The following THSD7B variants were observed in gnomAD, a reference collection of about 807,000 sequenced individuals.
THSD7B encodes the protein thrombospondin type-1 domain-containing protein 7B.
Under a neutral mutation model 213.6 loss-of-function variants are expected in THSD7B, and 138 were observed. The ratio of observed to expected loss-of-function variants is 0.65; its 90% CI spans 0.56 to 0.74. The LOEUF (loss-of-function observed/expected upper bound fraction) is 0.74. Among genes scored for constraint, THSD7B ranks in the 30% least tolerant of loss-of-function variants. THSD7B has a pLI of 0.00. For synonymous variants in THSD7B, 742 were observed against 687.0 expected (o/e 1.08, Z -1.25); for missense variants, 1,931 against 1,991.5 (o/e 0.97, Z 0.58).
At chr2:137,664,096 T>A (rs149337506) in intron 26 of THSD7B, among the ~76,000 whole-genome samples, 3,844 of 152,198 alleles carry the variant, frequency 0.025, 139 homozygotes, top group African/African-American at 0.086. Context: ...CAAATGACCC[T>A]CCCGCCTTGG....
At chr2:136,919,315 C>T (rs572444686) in intron 2 of THSD7B, among the ~76,000 whole-genome samples, 57 of 152,256 alleles carry the variant, frequency 3.7e-4, no homozygotes, top group African/African-American at 1.3e-3. Flanking sequence ...TTAGTACTAA[C>T]CTCAGGCAAA....
At chr2:137,622,245 A>G (rs1190047927) in intron 20 of THSD7B, among the ~76,000 whole-genome samples, 1 of 150,688 alleles carries the variant, frequency 6.6e-6, no homozygotes, top group East Asian at 1.9e-4. Flanking sequence ...CAATCATTCC[A>G]TCCAATAATC....
intron 12 of THSD7B, among the ~76,000 whole-genome samples, chr2:137,365,543 A>G (rs1291114782): frequency 1.3e-5 from 2 of 151,928 alleles, no homozygotes; most frequent in Admixed American, 6.6e-5. Flanking sequence ...ACAAATTTAC[A>G]AGAAAAAATC....
At chr2:137,199,122 A>T (rs1056714123) in intron 7 of THSD7B, among the ~76,000 whole-genome samples, 2 of 152,196 alleles carry the variant, frequency 1.3e-5, no homozygotes, top group African/African-American at 4.8e-5. Context: ...CTGCTCTCCC[A>T]TTCTACAAGC....
intron 2 of THSD7B, among the ~76,000 whole-genome samples, chr2:136,950,580 C>T (rs579976): frequency 0.41 from 61,908 of 151,942 alleles, 14,822 homozygotes; most frequent in Non-Finnish European, 0.55. Context: ...CTTAATATTA[C>T]GATTAAGCTC....
chr2:137,665,184 C>T (rs959973424), intron 26 of THSD7B, among the ~76,000 whole-genome samples: 9 of 152,160 alleles, frequency 5.9e-5, no homozygotes, highest in African/African-American at 1.9e-4. Context: ...TTGAAGGAAG[C>T]ATGATATTAA....
At chr2:137,066,703 C>T (rs1424354726) in intron 3 of THSD7B, among the ~76,000 whole-genome samples, 1 of 152,020 alleles carries the variant, frequency 6.6e-6, no homozygotes. Flanking sequence ...GCTTGATTTT[C>T]CCTGAGCTAC....
At chr2:137,522,642 C>A (rs1403741550) in intron 15 of THSD7B, among the ~76,000 whole-genome samples, 1 of 152,048 alleles carries the variant, frequency 6.6e-6, no homozygotes, top group African/African-American at 2.4e-5. Flanking sequence ...TTGCTCTGGA[C>A]TTTCCTTTGC....
At chr2:137,026,028 G>C (rs1268319901) in intron 2 of THSD7B, among the ~76,000 whole-genome samples, 1 of 152,158 alleles carries the variant, frequency 6.6e-6, no homozygotes, top group Non-Finnish European at 1.5e-5. Context: ...GCAATGCTCA[G>C]TTCTTTCCAT....
chr2:137,644,223 G>A (rs898301079), intron 21 of THSD7B, among the ~76,000 whole-genome samples: 3 of 152,246 alleles, frequency 2.0e-5, no homozygotes, highest in Middle Eastern at 3.4e-3. Context: ...AGTGAGTCCC[G>A]TTCGCTGACA....
intron 4 of THSD7B, among the ~76,000 whole-genome samples, chr2:137,108,690 C>T (rs1206231182): frequency 6.6e-5 from 10 of 152,118 alleles, no homozygotes; most frequent in Admixed American, 6.5e-4. Flanking sequence ...GCTGCATCTA[C>T]CTTTTGAGAA....
chr2:137,096,471 G>A (rs1688041970), intron 4 of THSD7B, among the ~76,000 whole-genome samples: 1 of 152,116 alleles, frequency 6.6e-6, no homozygotes, highest in Non-Finnish European at 1.5e-5. Flanking sequence ...TGGAACTAGT[G>A]TTGATTGAAC....
rs865960293 is a variant in THSD7B at position 137,150,254 on chromosome 2, A to G, written c.1370-9959A>G. ...TGAAATTCTGTCTCAAAAAAAAAAAAAAAGAAAAAGAAAAAGAAAGAAATG... is the reference window on the plus strand; with the variant it reads ...TGAAATTCTGTCTCAAAAAAAAAAAGAAAGAAAAAGAAAAAGAAAGAAATG... On this transcript the variant is annotated intron_variant, in intron 5 of 27. Coordinates refer to ENST00000409968, the MANE Select transcript of THSD7B (RefSeq NM_001316349.2). Among the ~76,000 whole-genome samples, 431 of 151,952 alleles carry G rather than the reference A, an allele frequency of 2.8e-3. 2 individuals carry two copies. Among genetic ancestry groups the G allele is most frequent in the African/African-American group, 9.6e-3 (400 of 41,462 alleles).
intron 4 of THSD7B, among the ~76,000 whole-genome samples, chr2:137,100,202 A>G (rs920818392): frequency 6.6e-5 from 10 of 152,078 alleles, no homozygotes; most frequent in African/African-American, 2.2e-4. Flanking sequence ...TGGTAGATGA[A>G]ATCTTGGCGT....
chr2:137,512,808 C>T (rs1679994184), intron 15 of THSD7B, among the ~76,000 whole-genome samples: 1 of 151,998 alleles, frequency 6.6e-6, no homozygotes, highest in Non-Finnish European at 1.5e-5. Flanking sequence ...TTCTTTTTAT[C>T]CTCACAGCTA....
At chr2:137,520,729 T>C (rs1474511992) in intron 15 of THSD7B, among the ~76,000 whole-genome samples, 1 of 152,216 alleles carries the variant, frequency 6.6e-6, no homozygotes, top group Non-Finnish European at 1.5e-5. Flanking sequence ...TCAGCATCCC[T>C]GGAGCACAGT....
At chr2:137,373,224 G>A (rs1048554112) in intron 12 of THSD7B, among the ~76,000 whole-genome samples, 3 of 152,130 alleles carry the variant, frequency 2.0e-5, no homozygotes, top group African/African-American at 4.8e-5. Context: ...GTAATGGGAC[G>A]GCCGGGTCAA....
At chr2:137,658,175 G>A (rs1313761118) in intron 24 of THSD7B, among the ~76,000 whole-genome samples, 2 of 152,056 alleles carry the variant, frequency 1.3e-5, no homozygotes, top group Non-Finnish European at 2.9e-5. Flanking sequence ...TGCACTATTG[G>A]TATTCTTTTT....
At chr2:137,590,412 TATAATA>T (rs1400008108) in intron 17 of THSD7B, among the ~76,000 whole-genome samples, 1 of 152,166 alleles carries the variant, frequency 6.6e-6, no homozygotes, top group East Asian at 1.9e-4. Flanking sequence ...TATAGCTGAC[TATAATA>T]ATAATATGTT....
Sources: gnomAD v4.1 joint callset for allele counts (sites outside exome capture counted in the v4.1 genomes callset) on GRCh38, gnomAD v4.1.1 for gene constraint, MANE v1.5 for transcripts, NCBI Gene and HGNC (gene_info 2026-07-23, HGNC 2026-07-21) for gene names.